SLC35F4: variants seen among roughly 807,000 people sequenced by gnomAD.
SLC35F4 encodes the protein solute carrier family 35 member F4, also known as chromosome 14 open reading frame 36.
SLC35F4 carries 24 observed loss-of-function variants against 44.2 expected under a neutral mutation model. The observed-to-expected ratio is 0.54, with a 90% CI of 0.39 to 0.76. The LOEUF (loss-of-function observed/expected upper bound fraction) is 0.76, where lower values mean the gene tolerates loss of function less well. Among genes scored for constraint, SLC35F4 ranks in the 30% least tolerant of loss-of-function variants. The pLI is 0.00. For missense variants in SLC35F4, 562 were observed against 586.1 expected (o/e 0.96, Z 0.42); for synonymous variants, 238 against 223.6 (o/e 1.06, Z -0.57).
intron 1 of SLC35F4, among the ~76,000 whole-genome samples, chr14:57,700,135 T>C (rs745871658): frequency 1.4e-4 from 22 of 152,180 alleles, no homozygotes; most frequent in Non-Finnish European, 2.4e-4. Context: ...CATCGTAGAG[T>C]GTACTTATAC....
chr14:57,638,133 G>A (rs980163859), intron 1 of SLC35F4, among the ~76,000 whole-genome samples: 4 of 152,070 alleles, frequency 2.6e-5, no homozygotes, highest in Admixed American at 6.6e-5. Flanking sequence ...CCAGGTAAGC[G>A]ATATTGAAAC....
At chr14:57,797,849 C>T (rs1417360078) in intron 1 of SLC35F4, among the ~76,000 whole-genome samples, 3 of 152,030 alleles carry the variant, frequency 2.0e-5, no homozygotes, top group Non-Finnish European at 2.9e-5. Flanking sequence ...AGGTACTTCC[C>T]CATCCCTTAA....
At chr14:57,641,870 G>C (rs1479185766) in intron 1 of SLC35F4, among the ~76,000 whole-genome samples, 1 of 151,936 alleles carries the variant, frequency 6.6e-6, no homozygotes, top group African/African-American at 2.4e-5. Context: ...TCTTAAGAGA[G>C]GTGGGTATAA....
chr14:57,797,514 C>G (rs2078081544), intron 1 of SLC35F4, among the ~76,000 whole-genome samples: 1 of 152,202 alleles, frequency 6.6e-6, no homozygotes, highest in African/African-American at 2.4e-5. Flanking sequence ...TCTCTTTGGA[C>G]TTCAGTTCCT....
At chr14:57,962,125 A>G (rs2141088638) in intron 1 of SLC35F4, among the ~76,000 whole-genome samples, 1 of 152,374 alleles carries the variant, frequency 6.6e-6, no homozygotes, top group Middle Eastern at 3.4e-3. Context: ...CTTATGCTCT[A>G]GATAACTGTA....
rs189810542 is a variant in SLC35F4, at chr14:57,745,305, A to G, written c.103+120418T>C. Among the ~76,000 whole-genome samples the G allele has an allele frequency of 5.2e-4, 79 of 152,358 alleles. No individual in the cohort carries two copies. In the Middle Eastern group the frequency reaches 0.014, roughly 26 times the overall value. ...ATCAGAGTGAACAGGCAACCTACAG[A>G]AAGGGAGAAAATTTTTACAATCTAC... On this transcript the variant is annotated intron_variant, in intron 1 of 7. Coordinates refer to ENST00000556826, the MANE Select transcript of SLC35F4 (RefSeq NM_001306087.2).
intron 1 of SLC35F4, among the ~76,000 whole-genome samples, chr14:57,924,586 C>T (rs536751563): frequency 1.3e-5 from 2 of 151,954 alleles, no homozygotes; most frequent in African/African-American, 4.8e-5. Flanking sequence ...GTAGCTGGGA[C>T]TAGAGGTGCC....
intron 1 of SLC35F4, among the ~76,000 whole-genome samples, chr14:57,685,850 T>C (rs996368142): frequency 2.6e-5 from 4 of 152,224 alleles, no homozygotes; most frequent in African/African-American, 9.6e-5. Context: ...TTCTCACTGC[T>C]GCATACTGCC....
intron 1 of SLC35F4, among the ~76,000 whole-genome samples, chr14:57,956,869 G>A (rs994520469): frequency 2.0e-5 from 3 of 152,112 alleles, no homozygotes; most frequent in Admixed American, 1.3e-4. Context: ...CAACCATTGC[G>A]GAAGATAGTG....
At chr14:57,814,772 G>C (rs62004965) in intron 1 of SLC35F4, among the ~76,000 whole-genome samples, 11 of 152,140 alleles carry the variant, frequency 7.2e-5, no homozygotes, top group Non-Finnish European at 1.5e-4. Context: ...CCTGGGTATG[G>C]CGATGGAATA....
chr14:57,620,168 T>C (rs2072096357), intron 1 of SLC35F4, among the ~76,000 whole-genome samples: 1 of 152,116 alleles, frequency 6.6e-6, no homozygotes, highest in East Asian at 1.9e-4. Flanking sequence ...CAGGCCAACA[T>C]TCCAATTCAG....
intron 1 of SLC35F4, among the ~76,000 whole-genome samples, chr14:57,931,524 C>T (rs1465406471): frequency 6.6e-6 from 1 of 152,110 alleles, no homozygotes; most frequent in Non-Finnish European, 1.5e-5. Context: ...TGGAAACTAT[C>T]CCATTAAAAA....
intron 1 of SLC35F4, among the ~76,000 whole-genome samples, chr14:57,726,830 T>C (rs2076215864): frequency 1.3e-5 from 2 of 152,152 alleles, no homozygotes; most frequent in South Asian, 2.1e-4. Flanking sequence ...AGTTAGCATT[T>C]GAATTAGTGG....
chr14:57,761,936 C>G (rs1305043751), intron 1 of SLC35F4, among the ~76,000 whole-genome samples: 1 of 152,050 alleles, frequency 6.6e-6, no homozygotes, highest in Non-Finnish European at 1.5e-5. Context: ...GAGAGGCTCA[C>G]AGAACTGATG....
At chr14:57,733,692 T>C (rs568107632) in intron 1 of SLC35F4, among the ~76,000 whole-genome samples, 6 of 152,184 alleles carry the variant, frequency 3.9e-5, no homozygotes, top group Non-Finnish European at 7.4e-5. Context: ...ATTTTTATTA[T>C]GGAAAATTTC....
intron 1 of SLC35F4, among the ~76,000 whole-genome samples, chr14:57,728,773 A>G (rs1029879338): frequency 2.6e-5 from 4 of 151,920 alleles, no homozygotes; most frequent in Non-Finnish European, 5.9e-5. Context: ...CCTTCCATTG[A>G]TTTCTTATTG....
intron 1 of SLC35F4, among the ~76,000 whole-genome samples, chr14:57,808,292 C>T (rs1351796897): frequency 6.6e-6 from 1 of 151,880 alleles, no homozygotes. Flanking sequence ...AGTCAGACAG[C>T]AACTGGAATC....
chr14:57,945,892 CAT>C (rs1235359681), intron 1 of SLC35F4, among the ~76,000 whole-genome samples: 1 of 152,080 alleles, frequency 6.6e-6, no homozygotes, highest in Non-Finnish European at 1.5e-5. Flanking sequence ...AGTATTTTTT[CAT>C]ATGTCTGTTG....
rs1327641291 is a variant in SLC35F4, at chr14:57,637,463, C to T, written c.104-43339G>A. Among the ~76,000 whole-genome samples the T allele has an allele frequency of 2.6e-5, 4 of 152,100 alleles. No homozygotes were observed. In the East Asian group the frequency reaches 7.7e-4, roughly 29 times the overall value. ...TGCTGAAGCGCCCAGCTCCCTGGCC[C>T]TGTGGTGGCGAAGGGAAGTGCTTCT... On this transcript the variant is annotated intron_variant, in intron 1 of 7. Transcript: ENST00000556826.
Sources: allele counts gnomAD v4.1 joint callset (sites outside exome capture counted in the v4.1 genomes callset), GRCh38; gene constraint gnomAD v4.1.1; transcripts MANE v1.5; gene names NCBI Gene and HGNC (gene_info 2026-07-23, HGNC 2026-07-21).